Variants in SH3GL1 observed in about 807,000 individuals in gnomAD.
SH3GL1 encodes the protein endophilin-A2.
Under a neutral mutation model 48.8 loss-of-function variants are expected in SH3GL1, and 21 were observed. The observed-to-expected ratio is 0.43, with a 90% CI of 0.30 to 0.62. SH3GL1 has a LOEUF of 0.62. Ranked by LOEUF, SH3GL1 falls within the 20% of genes least tolerant of loss-of-function variation. The pLI is 0.11. For missense variants in SH3GL1, 454 were observed against 503.0 expected (o/e 0.90, Z 0.93); for synonymous variants, 282 against 217.5 (o/e 1.30, Z -2.61).
intron 7 of SH3GL1, among the ~76,000 whole-genome samples, 177 bp from the exon 8 acceptor site, chr19:4,362,913 T>G (rs888005597): frequency 2.0e-5 from 3 of 152,076 alleles, no homozygotes; most frequent in African/African-American, 7.2e-5. Context: ...CCAGAGGGCC[T>G]CCAGCCTGGA....
Position 4,360,570 on chromosome 19 carries a change from T to C in SH3GL1, c.*1030A>G, listed in dbSNP as rs1417206008. ...GGGGGAGGGGAATGTGAATGTGGCCTGGCCCAGAGAACTCCCCATTTCATC... is the reference window on the plus strand; with the variant it reads ...GGGGGAGGGGAATGTGAATGTGGCCCGGCCCAGAGAACTCCCCATTTCATC... On this transcript the variant is annotated 3_prime_UTR_variant, in exon 10 of 10. Transcript: ENST00000269886. 2 of 233,346 alleles carry C rather than the reference T, an allele frequency of 8.6e-6. No individual in the cohort carries two copies. Among genetic ancestry groups the C allele is most frequent in the East Asian group, 1.2e-4 (2 of 16,526 alleles). 14.5% of individuals were successfully genotyped at this position (233,346 alleles called of 1,614,324 possible).
intron 8 of SH3GL1, 89 bp from the exon 9 acceptor site, chr19:4,362,474 T>TGCC: frequency 6.4e-7 from 1 of 1,571,346 alleles, no homozygotes; most frequent in South Asian, 1.1e-5. Flanking sequence ...CCTTCCCGTC[T>TGCC]GCCTTGGCGG....
intron 1 of SH3GL1, among the ~76,000 whole-genome samples, chr19:4,393,775 G>C (rs911183754): frequency 6.6e-6 from 1 of 152,004 alleles, no homozygotes; most frequent in African/African-American, 2.4e-5. Flanking sequence ...GGGCGACAGA[G>C]CTAGACTCTG....
intron 1 of SH3GL1, among the ~76,000 whole-genome samples, chr19:4,398,386 CTT>C (rs759551725): frequency 1.4e-5 from 2 of 144,100 alleles, no homozygotes. Context: ...GGCTTCTTGT[CTT>C]TTTTTTTTTT....
intron 1 of SH3GL1, among the ~76,000 whole-genome samples, chr19:4,379,392 C>A (rs1461316205): frequency 2.0e-5 from 3 of 150,800 alleles, no homozygotes; most frequent in Non-Finnish European, 4.4e-5. Flanking sequence ...CACCACTGCA[C>A]TCCTGCCTGG....
intron 1 of SH3GL1, among the ~76,000 whole-genome samples, chr19:4,369,296 A>G (rs934451050): frequency 6.6e-6 from 1 of 152,222 alleles, no homozygotes; most frequent in African/African-American, 2.4e-5. Flanking sequence ...GATTGTGGCG[A>G]GAGAGGGCGT....
At position 4,392,340 on chromosome 19, in the gene SH3GL1, A is replaced by T. The variant is rs527411915; in HGVS notation, c.45+7984T>A. Among the ~76,000 whole-genome samples the T allele has an allele frequency of 6.6e-5, 10 of 152,160 alleles. No individual in the cohort carries two copies. In the South Asian group the frequency reaches 2.1e-3, roughly 32 times the overall value. ...GGAGTTCAACAACAGCCTGGCCAAC[A>T]TGATGAAACCCTGTGTCCACTAAAA... On this transcript the variant is annotated intron_variant, in intron 1 of 9. Coordinates refer to ENST00000269886, the MANE Select transcript of SH3GL1 (RefSeq NM_003025.4).
chr19:4,388,370 C>T (rs932856511), intron 1 of SH3GL1, among the ~76,000 whole-genome samples: 8 of 152,136 alleles, frequency 5.3e-5, no homozygotes, highest in African/African-American at 1.9e-4. Flanking sequence ...GGGAGTGTCA[C>T]ATTTGAACGC....
rs551005842 is a variant in SH3GL1, at chr19:4,362,707, C to T, written c.758G>A (p.Arg253Gln). The T allele has an allele frequency of 3.8e-5, 62 of 1,613,898 alleles. No homozygotes were observed. Among genetic ancestry groups the T allele is most frequent in the African/African-American group, 1.7e-4 (13 of 74,942 alleles). ...RMREASSRPK[R>Q]EYKPKPREPF... Reference sequence around the variant, plus strand: ...CTCCCGGGGCTTGGGCTTATACTCCCGCTTAGGGCGTGAGGAAGCTTCCCG... The same window carrying T: ...CTCCCGGGGCTTGGGCTTATACTCCTGCTTAGGGCGTGAGGAAGCTTCCCG... The change falls in exon 8 of 10, where the codon CGG becomes CAG. Residue 253 changes from arginine (R) to glutamine (Q), a missense_variant. By Grantham distance (43) the Arg-to-Gln change is conservative. Transcript: ENST00000269886.
intron 1 of SH3GL1, among the ~76,000 whole-genome samples, chr19:4,377,555 G>GGGGCA (rs1324598521): frequency 6.6e-6 from 1 of 152,210 alleles, no homozygotes; most frequent in Non-Finnish European, 1.5e-5. Flanking sequence ...CGGGTGGCAC[G>GGGGCA]GGGCAGGGCA....
At chr19:4,393,889 C>G (rs1013726982) in intron 1 of SH3GL1, among the ~76,000 whole-genome samples, 1 of 151,852 alleles carries the variant, frequency 6.6e-6, no homozygotes, top group Admixed American at 6.6e-5. Flanking sequence ...CAGCCATGTC[C>G]CAGACACTGC....
At chr19:4,399,117 C>T (rs542776586) in intron 1 of SH3GL1, among the ~76,000 whole-genome samples, 5 of 152,138 alleles carry the variant, frequency 3.3e-5, no homozygotes, top group African/African-American at 1.2e-4. Context: ...GCCAGGAGTT[C>T]GAGACCACCC....
At chr19:4,384,281 CCT>C (rs1404204883) in intron 1 of SH3GL1, among the ~76,000 whole-genome samples, 1 of 152,230 alleles carries the variant, frequency 6.6e-6, no homozygotes, top group Non-Finnish European at 1.5e-5. Context: ...CAGAGCTAAC[CCT>C]GAGCTGGGAG....
intron 1 of SH3GL1, among the ~76,000 whole-genome samples, chr19:4,375,946 G>A (rs541349891): frequency 1.0e-3 from 158 of 152,316 alleles, no homozygotes; most frequent in African/African-American, 3.4e-3. Context: ...GCACAGGAAC[G>A]ATAAGGCTTT....
At chr19:4,374,746 G>A (rs1486934543) in intron 1 of SH3GL1, among the ~76,000 whole-genome samples, 2 of 152,120 alleles carry the variant, frequency 1.3e-5, no homozygotes, top group African/African-American at 2.4e-5. Context: ...CTGGCCCCTG[G>A]GCCCCTGAGT....
At chr19:4,375,208 G>A (rs747344177) in intron 1 of SH3GL1, among the ~76,000 whole-genome samples, 1 of 152,024 alleles carries the variant, frequency 6.6e-6, no homozygotes, top group Non-Finnish European at 1.5e-5. Flanking sequence ...GAGAGGAGTG[G>A]ACAGAGCCAG....
At chr19:4,375,892 A>C (rs764131645) in intron 1 of SH3GL1, among the ~76,000 whole-genome samples, 10 of 152,218 alleles carry the variant, frequency 6.6e-5, no homozygotes, top group Non-Finnish European at 1.5e-4. Flanking sequence ...GGCAGCATGG[A>C]GGATCTGCGT....
At position 4,389,863 on chromosome 19, in the gene SH3GL1, G is replaced by A. The variant is rs1460665780; in HGVS notation, c.45+10461C>T. ...ACTCCCATTGGCATGAAACCATGTGGGGAGCTGTCCACTTGGGGGCCAGGG... is the reference window on the plus strand; with the variant it reads ...ACTCCCATTGGCATGAAACCATGTGAGGAGCTGTCCACTTGGGGGCCAGGG... On this transcript the variant is annotated intron_variant, in intron 1 of 9. Transcript: ENST00000269886. The surrounding 1 kb of genome is among the most constrained non-coding windows in gnomAD (Gnocchi z 4.5). Among the ~76,000 whole-genome samples the A allele has an allele frequency of 1.3e-5, 2 of 152,224 alleles. No individual in the cohort carries two copies. Among genetic ancestry groups the A allele is most frequent in the African/African-American group, 4.8e-5 (2 of 41,468 alleles).
intron 1 of SH3GL1, among the ~76,000 whole-genome samples, chr19:4,372,560 C>A (rs530868055): frequency 6.6e-6 from 1 of 152,138 alleles, no homozygotes; most frequent in African/African-American, 2.4e-5. Flanking sequence ...AAAGCCCTGA[C>A]GTGGGAAGAG....
Sources: allele counts gnomAD v4.1 joint callset (sites outside exome capture counted in the v4.1 genomes callset), GRCh38; gene constraint gnomAD v4.1.1; non-coding constraint Gnocchi (gnomAD v3.1); transcripts MANE v1.5; gene names NCBI Gene and HGNC (gene_info 2026-07-23, HGNC 2026-07-21).